The following PKD1L1 variants were observed in gnomAD, a reference collection of about 807,000 sequenced individuals.
The protein encoded by PKD1L1 is polycystin-1-like protein 1.
PKD1L1 carries 236 observed loss-of-function variants against 323.4 expected under a neutral mutation model. The ratio of observed to expected loss-of-function variants is 0.73; its 90% CI spans 0.66 to 0.81. The LOEUF (loss-of-function observed/expected upper bound fraction) is 0.81. PKD1L1 is among the 40% of genes least tolerant of loss of function. PKD1L1 has a pLI of 0.00. For missense variants in PKD1L1, 3,320 were observed against 3,508.0 expected, an observed-to-expected ratio of 0.95 and a Z score of 1.35; for synonymous variants, 1,344 against 1,335.0, an observed-to-expected ratio of 1.01 and a Z score of -0.15.
intron 26 of PKD1L1, among the ~76,000 whole-genome samples, chr7:47,863,425 C>A (rs755945848): frequency 6.6e-6 from 1 of 150,420 alleles, no homozygotes; most frequent in African/African-American, 2.4e-5. Context: ...TGAGATCACA[C>A]AGGGAGGAGG....
intron 42 of PKD1L1, among the ~76,000 whole-genome samples, chr7:47,830,807 T>C (rs1207917680): frequency 6.6e-6 from 1 of 152,186 alleles, no homozygotes; most frequent in Admixed American, 6.5e-5. Flanking sequence ...TCAGAATCTG[T>C]GACACATGCA....
intron 8 of PKD1L1, among the ~76,000 whole-genome samples, chr7:47,913,380 T>C (rs1787363134): frequency 6.6e-6 from 1 of 152,172 alleles, no homozygotes; most frequent in Non-Finnish European, 1.5e-5. Context: ...GTTGATATGA[T>C]TTGGATCTGT....
chr7:47,791,293 G>C (rs538817375), intron 56 of PKD1L1, among the ~76,000 whole-genome samples: 2 of 151,592 alleles, frequency 1.3e-5, no homozygotes, highest in Non-Finnish European at 2.9e-5. Context: ...TTTTTCTCTT[G>C]CAGAATTTTC....
rs773339696 is a variant in PKD1L1, at chr7:47,901,703, C to A, written c.2064+676G>T. Among the ~76,000 whole-genome samples the A allele has an allele frequency of 1.3e-4, 20 of 152,344 alleles. 1 individual carries two copies. Among genetic ancestry groups the A allele is most frequent in the Admixed American group, 2.6e-4 (4 of 15,312 alleles). ...GATTGCCCCGGGCACTTGGTCTCTGCATGCTGATCTCCACCAGCACCCTCT... is the reference window on the plus strand; with the variant it reads ...GATTGCCCCGGGCACTTGGTCTCTGAATGCTGATCTCCACCAGCACCCTCT... On this transcript the variant is annotated intron_variant, in intron 13 of 56. Coordinates refer to ENST00000289672, the MANE Select transcript of PKD1L1 (RefSeq NM_138295.5).
In PKD1L1 at chr7:47,792,715, G is replaced by A. The variant is rs748675283; in HGVS notation, c.8438C>T (p.Pro2813Leu). 7 of 1,614,040 alleles carry A rather than the reference G, an allele frequency of 4.3e-6. No individual in the cohort carries two copies. The Admixed American group carries it at 1.2e-4, about 27-fold the overall frequency. Reference sequence around the variant, plus strand: ...GTTGTTGGATGTTTTTTCCAGAAGGGGGAGTTGTAGGCTGTCGGACAAACC... The same window carrying A: ...GTTGTTGGATGTTTTTTCCAGAAGGAGGAGTTGTAGGCTGTCGGACAAACC... ...INGLSDSLQL[P>L]LLEKTSNNTG... Residue 2813 changes from proline to leucine, a missense_variant, in exon 56 of 57, where the codon CCC becomes CTC. Coordinates refer to ENST00000289672, the MANE Select transcript of PKD1L1 (RefSeq NM_138295.5).
Position 47,827,344 on chromosome 7 carries a change from AC to A in PKD1L1, c.6854+5del. ...GCAAGCCCTCCCGACAGAAGCCGCC[AC>A]CCACCTCAGGGCAGCCCGTGTGCGA... On this transcript the variant is annotated splice_donor_5th_base_variant and intron_variant, in intron 45 of 56. Transcript: ENST00000289672. 6.2e-7 allele frequency: 1 copy of A among 1,602,744 alleles called. No homozygotes were observed. Among genetic ancestry groups the A allele is most frequent in the Admixed American group, 1.7e-5 (1 of 59,178 alleles).
chr7:47,837,108 C>G lies in PKD1L1; in HGVS notation c.5770-14G>C. ...GCAATAGAAAAGCTGAAACGGAAAG[C>G]AGGAGAAGTGTTCCCTGACATGGAG... On this transcript the variant is annotated splice_polypyrimidine_tract_variant and intron_variant, in intron 36 of 56. Transcript: ENST00000289672. The G allele has an allele frequency of 6.2e-7, 1 of 1,613,244 alleles. No homozygotes were observed.
intron 7 of PKD1L1, among the ~76,000 whole-genome samples, chr7:47,922,387 G>C (rs1787563579): frequency 6.6e-6 from 1 of 151,822 alleles, no homozygotes; most frequent in Non-Finnish European, 1.5e-5. Flanking sequence ...TCTGGGATGT[G>C]AGGAGCCCCT....
rs1324745914 is a variant in PKD1L1 at position 47,834,303 on chromosome 7, TAGA to T, written c.6174+33_6174+35del. On this transcript the variant is annotated intron_variant, in intron 40 of 56. Transcript: ENST00000289672. The stretch of plus-strand genomic sequence containing the variant: ...AAATCTAATTGTTTGCATTTCATGC[TAGA>T]AGATTAGCTGCTGCGCATAATGATT... The T allele has an allele frequency of 2.5e-6, 4 of 1,601,802 alleles. No individual in the cohort carries two copies. In the Admixed American group the frequency reaches 6.7e-5, roughly 27 times the overall value.
At chr7:47,887,941 C>T in intron 17 of PKD1L1, 49 bp downstream of exon 17, 1 of 1,552,312 alleles carries the variant, frequency 6.4e-7, no homozygotes, top group Admixed American at 1.8e-5. Context: ...TCACAATAAC[C>T]CTGAGTTTTT....
Position 47,940,320 on chromosome 7 carries a change from A to G in PKD1L1, c.161-3T>C, listed in dbSNP as rs1158280594. On this transcript the variant is annotated splice_region_variant and splice_polypyrimidine_tract_variant and intron_variant, in intron 2 of 56. Transcript: ENST00000289672. ...AAGCACATGATTAGCATAGACCTCT[A>G]GAGAAAAAAAAAAAAGCAAACATTC... 2 of 1,608,040 alleles carry G rather than the reference A, an allele frequency of 1.2e-6. No homozygotes were observed. The highest frequency in any genetic ancestry group is 2.2e-5 in the East Asian group (1 of 44,756).
chr7:47,819,721 C>A, intron 46 of PKD1L1: 1 of 470,604 alleles, frequency 2.1e-6, no homozygotes, highest in Non-Finnish European at 3.6e-6. Flanking sequence ...CCAGGTCTTA[C>A]CTTACGAGTG....
At chr7:47,801,466 T>G (rs2128726223) in intron 53 of PKD1L1, among the ~76,000 whole-genome samples, 1 of 152,314 alleles carries the variant, frequency 6.6e-6, no homozygotes, top group African/African-American at 2.4e-5. Flanking sequence ...CCAGCCCTGG[T>G]GCTGACAAGT....
chr7:47,801,526 A>T (rs933781632), intron 53 of PKD1L1, among the ~76,000 whole-genome samples: 1 of 152,164 alleles, frequency 6.6e-6, no homozygotes, highest in African/African-American at 2.4e-5. Flanking sequence ...CCATAGGTCC[A>T]CATGGGGCTG....
Position 47,946,656 on chromosome 7 carries a change from CAT to C in PKD1L1, c.44+1739_44+1740del, listed in dbSNP as rs897625178. On this transcript the variant is annotated intron_variant, in intron 1 of 56. Transcript: ENST00000289672. The surrounding 1 kb of genome is among the most constrained non-coding windows in gnomAD (Gnocchi z 4.1). ...GACCACACACCACACCACCCACACA[CAT>C]GTCCTATACCACACACACACACACA... Among the ~76,000 whole-genome samples the C allele has an allele frequency of 2.0e-4, 30 of 152,016 alleles. No homozygotes were observed. The highest frequency in any genetic ancestry group is 4.8e-4 in the African/African-American group (20 of 41,474).
chr7:47,896,498 A>T (rs1786939314), intron 14 of PKD1L1, among the ~76,000 whole-genome samples: 1 of 151,538 alleles, frequency 6.6e-6, no homozygotes, highest in Non-Finnish European at 1.5e-5. Flanking sequence ...TTTTTTAAGT[A>T]TTTTCTGGGT....
chr7:47,795,252 G>A (rs1276521384), intron 55 of PKD1L1: 1 of 415,960 alleles, frequency 2.4e-6, no homozygotes, highest in Non-Finnish European at 4.8e-6. Flanking sequence ...GGACCTAGTG[G>A]GAGGTAATTG....
chr7:47,791,346 C>T (rs1469133001), intron 56 of PKD1L1, among the ~76,000 whole-genome samples: 1 of 152,030 alleles, frequency 6.6e-6, no homozygotes, highest in Non-Finnish European at 1.5e-5. Flanking sequence ...TTCTGTGAAT[C>T]TATTTGCTTT....
intron 26 of PKD1L1, among the ~76,000 whole-genome samples, chr7:47,863,096 T>C (rs1303813835): frequency 6.6e-6 from 1 of 152,028 alleles, no homozygotes; most frequent in Non-Finnish European, 1.5e-5. Flanking sequence ...AGCTACGTGT[T>C]TGAGGAAGAA....
Sources: gnomAD v4.1 joint callset for allele counts (sites outside exome capture counted in the v4.1 genomes callset) on GRCh38, gnomAD v4.1.1 for gene constraint, Gnocchi (gnomAD v3.1) non-coding constraint, MANE v1.5 for transcripts, NCBI Gene and HGNC (gene_info 2026-07-23, HGNC 2026-07-21) for gene names.